Variants in ACAD11 observed in about 807,000 individuals in gnomAD.
The protein encoded by ACAD11 is acyl-CoA dehydrogenase family member 11.
Under a neutral mutation model 102.2 loss-of-function variants are expected in ACAD11, and 83 were observed. The ratio of observed to expected loss-of-function variants is 0.81; its 90% CI spans 0.68 to 0.97. The LOEUF (loss-of-function observed/expected upper bound fraction) is 0.97, where lower values mean the gene tolerates loss of function less well. Ranked by LOEUF, ACAD11 falls within the 50% of genes least tolerant of loss-of-function variation. The pLI is 0.00. For missense variants in ACAD11, 901 were observed against 951.7 expected (o/e 0.95, Z 0.70); for synonymous variants, 324 against 319.8 (o/e 1.01, Z -0.14).
At chr3:132,640,679 T>C (rs1330747539) in intron 4 of ACAD11, among the ~76,000 whole-genome samples, 3 of 152,200 alleles carry the variant, frequency 2.0e-5, no homozygotes, top group South Asian at 2.1e-4. Flanking sequence ...GTGTATTACT[T>C]GATTGATGCA....
intron 5 of ACAD11, among the ~76,000 whole-genome samples, chr3:132,639,067 A>T (rs2107879878): frequency 6.6e-6 from 1 of 152,342 alleles, no homozygotes; most frequent in East Asian, 1.9e-4. Context: ...AAGCTTTTGG[A>T]ATTCTCTATT....
At chr3:132,610,968 T>A (rs1213256753) in intron 11 of ACAD11, among the ~76,000 whole-genome samples, 1 of 151,954 alleles carries the variant, frequency 6.6e-6, no homozygotes, top group Non-Finnish European at 1.5e-5. Context: ...GATGCAAAAA[T>A]CCTCAATAAA....
chr3:132,624,502 G>A (rs900082528), intron 9 of ACAD11, among the ~76,000 whole-genome samples: 1 of 151,122 alleles, frequency 6.6e-6, no homozygotes, highest in African/African-American at 2.4e-5. Flanking sequence ...CTACTTGGGA[G>A]GCTGAGGCAG....
chr3:132,564,871 A>G (rs10935019), intron 17 of ACAD11, among the ~76,000 whole-genome samples: 15,070 of 152,208 alleles, frequency 0.099, 1,386 homozygotes, highest in East Asian at 0.54. Flanking sequence ...TTCAGGTCCA[A>G]AAGAATAACC....
chr3:132,602,523 AATT>A (rs1364220596), intron 13 of ACAD11, among the ~76,000 whole-genome samples: 1 of 152,174 alleles, frequency 6.6e-6, no homozygotes, highest in African/African-American at 2.4e-5. Context: ...TACCACAATA[AATT>A]ATTGTTAATT....
At chr3:132,658,072 A>G (rs965823780) in intron 1 of ACAD11, among the ~76,000 whole-genome samples, 2 of 152,070 alleles carry the variant, frequency 1.3e-5, no homozygotes, top group African/African-American at 2.4e-5. Context: ...CATGTTGGCC[A>G]GGCTGGTCTT....
chr3:132,567,401 G>T (rs527629282), intron 17 of ACAD11, among the ~76,000 whole-genome samples: 1 of 151,946 alleles, frequency 6.6e-6, no homozygotes, highest in Non-Finnish European at 1.5e-5. Context: ...AGAGAGAAAG[G>T]TAACTAGATA....
chr3:132,570,976 C>T (rs1018129569), intron 17 of ACAD11, among the ~76,000 whole-genome samples: 12 of 152,100 alleles, frequency 7.9e-5, no homozygotes, highest in Non-Finnish European at 1.5e-4. Context: ...AACATACACA[C>T]GCATGTGTCT....
chr3:132,597,756 A>T (rs1354944843), intron 13 of ACAD11, among the ~76,000 whole-genome samples: 1 of 152,072 alleles, frequency 6.6e-6, no homozygotes, highest in Non-Finnish European at 1.5e-5. Context: ...TTACTTAAAA[A>T]TTCCCTTCCT....
intron 12 of ACAD11, among the ~76,000 whole-genome samples, chr3:132,604,364 A>T (rs1248514081): frequency 6.6e-6 from 1 of 152,230 alleles, no homozygotes; most frequent in Non-Finnish European, 1.5e-5. Flanking sequence ...CATAGTCTAA[A>T]TAGCATTCAG....
At chr3:132,626,966 C>T in intron 8 of ACAD11, 149 bp from the exon 9 acceptor site, 1 of 696,998 alleles carries the variant, frequency 1.4e-6, no homozygotes. Flanking sequence ...AAAAGTCTTC[C>T]ATATTATGGA....
At chr3:132,601,681 C>T (rs113132603) in intron 13 of ACAD11, 10,517 of 482,576 alleles carry the variant, frequency 0.022, 144 homozygotes, top group South Asian at 0.067. Context: ...TTGTAACAGG[C>T]ATAAGTGAAT....
chr3:132,642,244 C>A, intron 3 of ACAD11, 111 bp from the exon 4 acceptor site: 3 of 1,015,600 alleles, frequency 3.0e-6, no homozygotes, highest in Admixed American at 2.7e-5. Flanking sequence ...GTATACATGC[C>A]AAAGGGAAAA....
At chr3:132,620,727 T>C (rs1281175345) in intron 9 of ACAD11, among the ~76,000 whole-genome samples, 2 of 152,212 alleles carry the variant, frequency 1.3e-5, no homozygotes, top group African/African-American at 2.4e-5. Flanking sequence ...AGGAAAACCA[T>C]AGAGATGAAA....
At chr3:132,581,042 T>C (rs761504276) in intron 13 of ACAD11, among the ~76,000 whole-genome samples, 7 of 151,982 alleles carry the variant, frequency 4.6e-5, no homozygotes, top group Non-Finnish European at 1.0e-4. Context: ...CATCTTCAGA[T>C]TGAAAAAGCC....
chr3:132,609,383 C>A (rs1939009377), intron 11 of ACAD11, among the ~76,000 whole-genome samples: 1 of 151,586 alleles, frequency 6.6e-6, no homozygotes. Context: ...ACTAAATACA[C>A]CACTAGCCAG....
At chr3:132,640,502 C>T (rs1206745227) in intron 4 of ACAD11, among the ~76,000 whole-genome samples, 1 of 152,228 alleles carries the variant, frequency 6.6e-6, no homozygotes, top group East Asian at 1.9e-4. Context: ...AACAAATCAA[C>T]TTACTCGTAA....
rs1456042875 is a variant in ACAD11 at position 132,644,781 on chromosome 3, C to T, written c.249+16G>A. On this transcript the variant is annotated intron_variant, in intron 2 of 19. Transcript: ENST00000264990. ...TTTGTCACCAAAGAATTTATCATTA[C>T]ATTTGTATACTATACCTGATGTGCT... 2.0e-6 allele frequency: 3 copies of T among 1,524,872 alleles called. No individual in the cohort carries two copies. Among genetic ancestry groups the T allele is most frequent in the Non-Finnish European group, 2.7e-6 (3 of 1,120,602 alleles). The allele number at this position is 1,524,872 out of a possible 1,614,324, so 94.5% of individuals were successfully genotyped here.
chr3:132,614,345 A>G (rs1939308989), intron 11 of ACAD11, among the ~76,000 whole-genome samples: 1 of 152,244 alleles, frequency 6.6e-6, no homozygotes, highest in Non-Finnish European at 1.5e-5. Context: ...ATATGGAACC[A>G]GAAAAGAGCC....
Sources: allele counts gnomAD v4.1 joint callset (sites outside exome capture counted in the v4.1 genomes callset), GRCh38; gene constraint gnomAD v4.1.1; transcripts MANE v1.5; gene names NCBI Gene and HGNC (gene_info 2026-07-23, HGNC 2026-07-21).